SYMPK: variants seen among roughly 807,000 people sequenced by gnomAD.
SYMPK encodes symplekin scaffold protein.
Under a neutral mutation model 136.4 loss-of-function variants are expected in SYMPK, and 49 were observed. The observed-to-expected ratio is 0.36, with a 90% CI of 0.29 to 0.46. The LOEUF (loss-of-function observed/expected upper bound fraction) is 0.46, where lower values mean the gene tolerates loss of function less well. Ranked by LOEUF, SYMPK falls within the 20% of genes least tolerant of loss-of-function variation. The pLI, the probability that SYMPK is intolerant of heterozygous loss-of-function variation, is 1.00. For missense variants in SYMPK, 1,365 were observed against 1,690.0 expected (o/e 0.81, Z 3.37); for synonymous variants, 766 against 713.0 (o/e 1.07, Z -1.19).
intron 10 of SYMPK, 96 bp downstream of exon 10, chr19:45,838,365 C>T: frequency 1.4e-6 from 2 of 1,416,418 alleles, no homozygotes; most frequent in Admixed American, 4.6e-5. Flanking sequence ...GGAGGGTACT[C>T]TGGAGGAGGT....
At chr19:45,840,591 A>G (rs931706874) in intron 9 of SYMPK, among the ~76,000 whole-genome samples, 1 of 152,134 alleles carries the variant, frequency 6.6e-6, no homozygotes, top group South Asian at 2.1e-4. Flanking sequence ...TGAATCTGGG[A>G]GGCAGAGCTT....
chr19:45,827,574 C>T lies in SYMPK; in HGVS notation c.2117G>A (p.Arg706His), dbSNP rs1190509264. The T allele has an allele frequency of 1.9e-5, 31 of 1,613,950 alleles. No individual in the cohort carries two copies. Among genetic ancestry groups the T allele is most frequent in the African/African-American group, 4.0e-5 (3 of 74,872 alleles). The part of the protein sequence containing the change: ...MSTLRDLIFK[R>H]PSRQFQYLHV... Reference sequence around the variant, plus strand: ...CAGGTACTGGAACTGGCGGGACGGGCGCTTGAAGATCAGGTCTCGAAGTGT... The same window carrying T: ...CAGGTACTGGAACTGGCGGGACGGGTGCTTGAAGATCAGGTCTCGAAGTGT... The change falls in exon 16 of 27, where the codon CGC becomes CAC. Residue 706 changes from arginine to histidine, a missense_variant. Coordinates refer to ENST00000245934, the MANE Select transcript of SYMPK (RefSeq NM_004819.3).
chr19:45,842,545 A>G, intron 8 of SYMPK, 56 bp from the exon 9 acceptor site: 1 of 1,588,464 alleles, frequency 6.3e-7, no homozygotes. Flanking sequence ...GCATGCTGCC[A>G]GTCTTAATTC....
At chr19:45,835,971 T>C (rs1161674451) in intron 10 of SYMPK, among the ~76,000 whole-genome samples, 1 of 151,932 alleles carries the variant, frequency 6.6e-6, no homozygotes, top group Non-Finnish European at 1.5e-5. Context: ...TGAAGAGTGT[T>C]AGGACTGGGA....
Position 45,823,903 on chromosome 19 carries a change from C to G in SYMPK, c.2491-28G>C, listed in dbSNP as rs765743009. 6 of 1,597,490 alleles carry G rather than the reference C, an allele frequency of 3.8e-6. No homozygotes were observed. In the Admixed American group the frequency reaches 5.0e-5, roughly 13 times the overall value. ...AGAGGCAGAGACAGGGATGACCAGACCCAGGGTGAGAGCTTAGGGGAGGGT... is the reference window on the plus strand; with the variant it reads ...AGAGGCAGAGACAGGGATGACCAGAGCCAGGGTGAGAGCTTAGGGGAGGGT... On this transcript the variant is annotated intron_variant, in intron 18 of 26. Coordinates refer to ENST00000245934, the MANE Select transcript of SYMPK (RefSeq NM_004819.3).
intron 11 of SYMPK, among the ~76,000 whole-genome samples, chr19:45,834,458 C>CA (rs55898165): frequency 0.029 from 2,345 of 81,774 alleles, 24 homozygotes; most frequent in Middle Eastern, 0.12. Context: ...GACTTTGTCT[C>CA]AAAAAAAAAA....
rs758866506 is a variant in SYMPK at position 45,815,729 on chromosome 19, T to A, written c.3688-32A>T. The A allele has an allele frequency of 3.7e-6, 6 of 1,603,838 alleles. No homozygotes were observed. The Admixed American group carries it at 8.5e-5, about 23-fold the overall frequency. On this transcript the variant is annotated intron_variant, in intron 26 of 26. Coordinates refer to ENST00000245934, the MANE Select transcript of SYMPK (RefSeq NM_004819.3). ...ACCGGGGAAGGAAAGGGCAGCCGGGTGGAGGGCGCGGTCACCTCCACGCTC... is the reference window on the plus strand; with the variant it reads ...ACCGGGGAAGGAAAGGGCAGCCGGGAGGAGGGCGCGGTCACCTCCACGCTC...
rs567054548 is a variant in SYMPK at position 45,849,470 on chromosome 19, T to C, written c.300-594A>G. 5.3e-5 allele frequency among the ~76,000 whole-genome samples: 8 copies of C among 152,202 alleles called. No homozygotes were observed. The South Asian group carries it at 1.5e-3, about 28-fold the overall frequency. On this transcript the variant is annotated intron_variant, in intron 5 of 26. Transcript: ENST00000245934. ...CTCCAACAAATGTTCAATGAATAAA[T>C]AGGAGCTCAGCACAGAATTTTCACA... is the stretch of plus-strand genomic sequence containing the variant.
At chr19:45,824,102 T>C in intron 18 of SYMPK, 2 of 511,692 alleles carry the variant, frequency 3.9e-6, no homozygotes, top group South Asian at 4.2e-5. Context: ...CAGCCCTGGC[T>C]GGGCTGTCCT....
chr19:45,830,096 G>A lies in SYMPK; in HGVS notation c.1707C>T (p.Ile569=), dbSNP rs1217431244. The change falls in exon 13 of 27, where the codon ATC becomes ATT. Residue 569 remains isoleucine (I), a synonymous_variant. Coordinates refer to ENST00000245934, the MANE Select transcript of SYMPK (RefSeq NM_004819.3). ...AGGCCACAGCCTTCTCAGCCCGCAG[G>A]ATCCGCTTCACAGCGCCCAGCTTCA... is the stretch of plus-strand genomic sequence containing the variant. The part of the protein sequence containing the change: ...EAMKLGAVKR[I]LRAEKAVACS... 11 of 1,571,518 alleles carry A rather than the reference G, an allele frequency of 7.0e-6. No homozygotes were observed. Among genetic ancestry groups the A allele is most frequent in the Non-Finnish European group, 8.6e-6 (10 of 1,156,826 alleles).
rs79977829 is a variant in SYMPK at position 45,821,563 on chromosome 19, C to G, written c.2792-78G>C. 4.1e-3 allele frequency: 3,931 copies of G among 962,130 alleles called. 106 individuals carry two copies. In the African/African-American group the frequency reaches 0.057, roughly 14 times the overall value. The allele number at this position is 962,130 out of a possible 1,614,324, so 59.6% of individuals were successfully genotyped here. ...AGAGATGGGTCTGAGTTCCCCAGAT[C>G]GGGGGAGCTGCGAGCAAAGATGAGG... On this transcript the variant is annotated intron_variant, in intron 21 of 26. Coordinates refer to ENST00000245934, the MANE Select transcript of SYMPK (RefSeq NM_004819.3). This position sits in a 1 kb window ranked among gnomAD's most constrained non-coding sequence, Gnocchi z 4.4.
At chr19:45,860,326 C>A (rs947394761) in intron 1 of SYMPK, among the ~76,000 whole-genome samples, 1 of 151,798 alleles carries the variant, frequency 6.6e-6, no homozygotes, top group Admixed American at 6.6e-5. Context: ...GGCATGGTGG[C>A]AGGCACATGT....
chr19:45,862,199 G>A (rs1232420551), intron 1 of SYMPK, among the ~76,000 whole-genome samples: 1 of 151,982 alleles, frequency 6.6e-6, no homozygotes. Flanking sequence ...TTTTTATGTG[G>A]ATGTATTATA....
intron 11 of SYMPK, 34 bp from the exon 12 acceptor site, chr19:45,831,622 G>A (rs774972677): frequency 7.8e-6 from 12 of 1,530,320 alleles, no homozygotes; most frequent in Admixed American, 2.0e-5. Flanking sequence ...CACCCAGTGC[G>A]TCAGACCCAC....
chr19:45,848,819 C>T lies in SYMPK; in HGVS notation c.357G>A (p.Arg119=). 1 of 1,614,018 alleles carries T rather than the reference C, an allele frequency of 6.2e-7. No homozygotes were observed. The highest frequency in any genetic ancestry group is 8.5e-7 in the Non-Finnish European group (1 of 1,180,020). ...KLIANLNMLL[R]DENVNVVKKA... ...TCTTCACCACGTTCACATTCTCGTC[C>T]CTCAAGAGCATGTTGAGGTTTGCAA... Residue 119 remains arginine, a synonymous_variant, in exon 6 of 27, where the codon AGG becomes AGA. Transcript: ENST00000245934.
At chr19:45,839,861 C>A (rs1568618880) in intron 9 of SYMPK, among the ~76,000 whole-genome samples, 2 of 148,788 alleles carry the variant, frequency 1.3e-5, no homozygotes, top group Non-Finnish European at 3.0e-5. Flanking sequence ...CAAAAAAACA[C>A]AAAAAAACCA....
At chr19:45,823,295 G>A in intron 20 of SYMPK, 77 bp downstream of exon 20, 1 of 1,448,104 alleles carries the variant, frequency 6.9e-7, no homozygotes, top group Non-Finnish European at 9.7e-7. Context: ...AACTGCTGCT[G>A]AAGCAACGTG....
chr19:45,845,958 C>A (rs545161768), intron 7 of SYMPK, among the ~76,000 whole-genome samples: 1 of 152,156 alleles, frequency 6.6e-6, no homozygotes, highest in Non-Finnish European at 1.5e-5. Flanking sequence ...TGAATTAGGC[C>A]GGGCGCGGTG....
At chr19:45,845,728 G>A (rs1189097817) in intron 7 of SYMPK, among the ~76,000 whole-genome samples, 4 of 152,174 alleles carry the variant, frequency 2.6e-5, no homozygotes, top group African/African-American at 4.8e-5. Context: ...CAGTGGGATT[G>A]CTGAATCATA....
Sources: gnomAD v4.1 joint callset for allele counts (sites outside exome capture counted in the v4.1 genomes callset) on GRCh38, gnomAD v4.1.1 for gene constraint, Gnocchi (gnomAD v3.1) non-coding constraint, MANE v1.5 for transcripts, NCBI Gene and HGNC (gene_info 2026-07-23, HGNC 2026-07-21) for gene names.